TEK: variants seen among roughly 807,000 people sequenced by gnomAD.
TEK encodes the protein angiopoietin-1 receptor.
TEK carries 43 observed loss-of-function variants against 131.8 expected under a neutral mutation model. The observed-to-expected ratio is 0.33, with a 90% CI of 0.26 to 0.42. TEK has a LOEUF of 0.42. Ranked by LOEUF, TEK falls within the 10% of genes least tolerant of loss-of-function variation. The probability of loss-of-function intolerance (pLI) is 1.00; values close to 1 mark genes in which losing one functional copy is unlikely to be tolerated. For synonymous variants in TEK, 580 were observed against 491.6 expected (o/e 1.18, Z -2.38); for missense variants, 1,162 against 1,384.4 (o/e 0.84, Z 2.55).
intron 21 of TEK, among the ~76,000 whole-genome samples, chr9:27,223,371 G>A (rs917046506): frequency 2.0e-5 from 3 of 152,170 alleles, no homozygotes; most frequent in African/African-American, 7.2e-5. Context: ...ATAACTGGAA[G>A]TAAAACATTC....
chr9:27,156,245 C>G (rs1823326256), intron 1 of TEK, among the ~76,000 whole-genome samples: 1 of 152,124 alleles, frequency 6.6e-6, no homozygotes, highest in Non-Finnish European at 1.5e-5. Flanking sequence ...CTTAAGTCCT[C>G]TATATGTTGA....
At chr9:27,168,917 T>C (rs1362976207) in intron 3 of TEK, among the ~76,000 whole-genome samples, 2 of 152,222 alleles carry the variant, frequency 1.3e-5, no homozygotes, top group Admixed American at 6.5e-5. Flanking sequence ...ACATTGTTGA[T>C]TGCAAGGTTT....
chr9:27,179,414 A>C (rs1402581203), intron 6 of TEK, among the ~76,000 whole-genome samples: 1 of 152,190 alleles, frequency 6.6e-6, no homozygotes, highest in Admixed American at 6.5e-5. Flanking sequence ...ATTCTTGTCT[A>C]TTCCAACATC....
At chr9:27,133,358 TGTC>T (rs1395448338) in intron 1 of TEK, among the ~76,000 whole-genome samples, 1 of 152,256 alleles carries the variant, frequency 6.6e-6, no homozygotes, top group Non-Finnish European at 1.5e-5. Flanking sequence ...TCTTTCAAAA[TGTC>T]GTGTACTTCT....
At chr9:27,162,710 A>C (rs1194796536) in intron 2 of TEK, among the ~76,000 whole-genome samples, 1 of 151,952 alleles carries the variant, frequency 6.6e-6, no homozygotes, top group Non-Finnish European at 1.5e-5. Context: ...TTCATTCCAC[A>C]ATTTTTCTTT....
chr9:27,147,911 T>A (rs568850680), intron 1 of TEK, among the ~76,000 whole-genome samples: 19 of 152,232 alleles, frequency 1.2e-4, no homozygotes, highest in Non-Finnish European at 2.5e-4. Flanking sequence ...GTGAAACCAG[T>A]CCACCTAAAT....
Position 27,193,475 on chromosome 9 carries a change from T to C in TEK, c.1624+852T>C, listed in dbSNP as rs140506165. 3.9e-3 allele frequency among the ~76,000 whole-genome samples: 588 copies of C among 152,310 alleles called. 6 individuals carry two copies. The highest frequency in any genetic ancestry group is 5.3e-3 in the Non-Finnish European group (359 of 68,030). ...CTGGACTTCTCAGTGGTGTTTGGTA[T>C]TGACTGGCCTTCTATTGCGTTAATT... On this transcript the variant is annotated intron_variant, in intron 11 of 22. Coordinates refer to ENST00000380036, the MANE Select transcript of TEK (RefSeq NM_000459.5).
chr9:27,109,271 A>G lies in TEK; in HGVS notation c.-320A>G, dbSNP rs1047415191. Reference sequence around the variant, plus strand: ...AAAAGCAGCAGCAGAAGCAACAGCAACAGATAAGTGTTTTGATGAATTGCG... The same window carrying G: ...AAAAGCAGCAGCAGAAGCAACAGCAGCAGATAAGTGTTTTGATGAATTGCG... On this transcript the variant is annotated 5_prime_UTR_variant, in exon 1 of 23. Transcript: ENST00000380036. 14 of 525,338 alleles carry G rather than the reference A, an allele frequency of 2.7e-5. No individual in the cohort carries two copies. The highest frequency in any genetic ancestry group is 1.4e-4 in the Admixed American group (4 of 28,098). The allele number at this position is 525,338 out of a possible 1,614,324, so 32.5% of individuals were successfully genotyped here.
intron 1 of TEK, among the ~76,000 whole-genome samples, chr9:27,119,899 G>GTGTT (rs1352854707): frequency 1.3e-5 from 2 of 151,910 alleles, no homozygotes; most frequent in Non-Finnish European, 2.9e-5. Flanking sequence ...GCGTGTGTGT[G>GTGTT]TGTGCATGTG....
Position 27,187,560 on chromosome 9 carries a change from C to G in TEK, c.1327+1931C>G, listed in dbSNP as rs1263219792. Among the ~76,000 whole-genome samples the G allele has an allele frequency of 2.0e-5, 3 of 152,144 alleles. No homozygotes were observed. In the East Asian group the frequency reaches 5.8e-4, roughly 29 times the overall value. On this transcript the variant is annotated intron_variant, in intron 9 of 22. Transcript: ENST00000380036. Reference sequence around the variant, plus strand: ...TGAAATTAACTCAAATGTCCATCAACATTAGAAAGGATACACTAATCACAA... The same window carrying G: ...TGAAATTAACTCAAATGTCCATCAAGATTAGAAAGGATACACTAATCACAA...
At chr9:27,127,129 C>A (rs866454914) in intron 1 of TEK, among the ~76,000 whole-genome samples, 6 of 152,134 alleles carry the variant, frequency 3.9e-5, no homozygotes, top group Non-Finnish European at 7.4e-5. Flanking sequence ...CCTCCCTCAA[C>A]CCCCAATCCC....
intron 1 of TEK, among the ~76,000 whole-genome samples, chr9:27,154,933 C>T (rs973957711): frequency 7.2e-5 from 11 of 152,204 alleles, no homozygotes; most frequent in African/African-American, 2.4e-4. Context: ...ATAATTTATA[C>T]ATAGCTTGGT....
chr9:27,131,268 G>A (rs1038053558), intron 1 of TEK, among the ~76,000 whole-genome samples: 1 of 152,054 alleles, frequency 6.6e-6, no homozygotes, highest in African/African-American at 2.4e-5. Context: ...GATCACTTAA[G>A]GTCAGGAGTT....
chr9:27,211,638 A>G (rs1357059023), intron 16 of TEK, among the ~76,000 whole-genome samples: 1 of 151,504 alleles, frequency 6.6e-6, no homozygotes, highest in Non-Finnish European at 1.5e-5. Context: ...TTTTTATTTT[A>G]TTTTTATTTT....
At chr9:27,153,735 A>G (rs987920759) in intron 1 of TEK, among the ~76,000 whole-genome samples, 3 of 152,200 alleles carry the variant, frequency 2.0e-5, no homozygotes, top group African/African-American at 7.2e-5. Flanking sequence ...CCCAGATAGG[A>G]TCTGTCTTCT....
In TEK at chr9:27,164,103, C is replaced by G. The variant is rs75908102; in HGVS notation, c.365-4392C>G. ...ACATTACATAATCTATGAAAGCATCCAGAGCGAGATTCCTTGGTTCAAATC... is the reference window on the plus strand; with the variant it reads ...ACATTACATAATCTATGAAAGCATCGAGAGCGAGATTCCTTGGTTCAAATC... On this transcript the variant is annotated intron_variant, in intron 2 of 22. Coordinates refer to ENST00000380036, the MANE Select transcript of TEK (RefSeq NM_000459.5). 4.8e-4 allele frequency among the ~76,000 whole-genome samples: 73 copies of G among 152,192 alleles called. 1 individual carries two copies. In the East Asian group the frequency reaches 0.013, roughly 27 times the overall value.
Position 27,168,435 on chromosome 9 carries a change from A to G in TEK, c.365-60A>G, listed in dbSNP as rs12349832. The G allele has an allele frequency of 0.28, 384,701 of 1,363,230 alleles. 57,319 individuals carry two copies. Among genetic ancestry groups the G allele is most frequent in the Admixed American group, 0.37 (21,275 of 57,402 alleles). The allele number at this position is 1,363,230 out of a possible 1,614,324, so 84.4% of individuals were successfully genotyped here. ...CTCATTTTCTGAGTCTCAAAGCTCA[A>G]TTGCTCCTGGAGAAAATGTGTGATC... On this transcript the variant is annotated intron_variant, in intron 2 of 22. Coordinates refer to ENST00000380036, the MANE Select transcript of TEK (RefSeq NM_000459.5).
At chr9:27,151,957 A>C (rs192766970) in intron 1 of TEK, among the ~76,000 whole-genome samples, 91 of 152,334 alleles carry the variant, frequency 6.0e-4, no homozygotes, top group African/African-American at 2.0e-3. Context: ...TCTTTGGCTC[A>C]TTGCCACGGC....
At chr9:27,134,234 C>T (rs2131067740) in intron 1 of TEK, among the ~76,000 whole-genome samples, 1 of 152,290 alleles carries the variant, frequency 6.6e-6, no homozygotes, top group South Asian at 2.1e-4. Flanking sequence ...TGAACTGTTA[C>T]TGTATTCATA....
Sources: allele counts gnomAD v4.1 joint callset (sites outside exome capture counted in the v4.1 genomes callset), GRCh38; gene constraint gnomAD v4.1.1; transcripts MANE v1.5; gene names NCBI Gene and HGNC (gene_info 2026-07-23, HGNC 2026-07-21).